Variants in METTL16 observed in about 807,000 individuals in gnomAD.
METTL16 encodes methyltransferase 16, RNA N6-adenosine, also known as RNA N(6)-adenosine-methyltransferase METTL16.
A neutral mutation model predicts 57.9 loss-of-function variants in METTL16; 19 were observed. The ratio of observed to expected loss-of-function variants is 0.33; its 90% CI spans 0.23 to 0.48. The LOEUF (loss-of-function observed/expected upper bound fraction) is 0.48. METTL16 is among the 20% of genes least tolerant of loss of function. The pLI is 0.99. For synonymous variants in METTL16, 246 were observed against 255.6 expected (o/e 0.96, Z 0.36); for missense variants, 434 against 691.5 (o/e 0.63, Z 4.18).
intron 8 of METTL16, among the ~76,000 whole-genome samples, chr17:2,426,823 T>C (rs370971631): frequency 2.6e-4 from 38 of 147,176 alleles, no homozygotes; most frequent in African/African-American, 9.3e-4. Context: ...TATAAATACA[T>C]ACGTGTATTT....
intron 8 of METTL16, among the ~76,000 whole-genome samples, chr17:2,435,456 G>T (rs1374676778): frequency 6.6e-6 from 1 of 152,164 alleles, no homozygotes; most frequent in Non-Finnish European, 1.5e-5. Context: ...GGTCTAGGAA[G>T]AGGGAAGAGA....
In METTL16 at chr17:2,419,893, T is replaced by C; in HGVS notation, c.*77A>G. 2 of 1,539,370 alleles carry C rather than the reference T, an allele frequency of 1.3e-6. No individual in the cohort carries two copies. Among genetic ancestry groups the C allele is most frequent in the Non-Finnish European group, 1.8e-6 (2 of 1,125,772 alleles). On this transcript the variant is annotated 3_prime_UTR_variant, in exon 10 of 10. Coordinates refer to ENST00000263092, the MANE Select transcript of METTL16 (RefSeq NM_024086.4). ...CATCGTGCTACTAATGGGCCGCTGGTAGGATTCCTCTTGCCACCCCACAGG... is the reference window on the plus strand; with the variant it reads ...CATCGTGCTACTAATGGGCCGCTGGCAGGATTCCTCTTGCCACCCCACAGG...
chr17:2,479,487 G>A (rs1192401402), intron 2 of METTL16, among the ~76,000 whole-genome samples: 3 of 151,974 alleles, frequency 2.0e-5, no homozygotes, highest in Non-Finnish European at 4.4e-5. Flanking sequence ...GCATTTTGAA[G>A]AAAGCAGAAA....
chr17:2,451,268 A>G (rs2067067432), intron 6 of METTL16, among the ~76,000 whole-genome samples: 2 of 152,230 alleles, frequency 1.3e-5, no homozygotes, highest in Non-Finnish European at 2.9e-5. Flanking sequence ...TATTTAAAGG[A>G]TAATAAATTT....
intron 1 of METTL16, among the ~76,000 whole-genome samples, chr17:2,511,439 C>T (rs1246073212): frequency 6.6e-6 from 1 of 152,170 alleles, no homozygotes; most frequent in Non-Finnish European, 1.5e-5. Context: ...TCCCACTAGT[C>T]CTGCCACTGC....
rs540197663 is a variant in METTL16, at chr17:2,454,080, G to T, written c.728+10128C>A. 5.3e-5 allele frequency among the ~76,000 whole-genome samples: 8 copies of T among 152,164 alleles called. No homozygotes were observed. In the East Asian group the frequency reaches 1.2e-3, roughly 22 times the overall value. On this transcript the variant is annotated intron_variant, in intron 6 of 9. Coordinates refer to ENST00000263092, the MANE Select transcript of METTL16 (RefSeq NM_024086.4). ...TCATGTTGTCCCAGCTTTGCCCTGA[G>T]CTCACTCTAGGTTCTTCTGACATGT... is the stretch of plus-strand genomic sequence containing the variant.
At chr17:2,443,303 T>C (rs1176771817) in intron 6 of METTL16, among the ~76,000 whole-genome samples, 1 of 152,150 alleles carries the variant, frequency 6.6e-6, no homozygotes, top group Non-Finnish European at 1.5e-5. Flanking sequence ...TAGTTCTCTA[T>C]CAATTAAAGA....
At chr17:2,494,571 T>G (rs1221673855) in intron 2 of METTL16, among the ~76,000 whole-genome samples, 1 of 152,124 alleles carries the variant, frequency 6.6e-6, no homozygotes, top group Non-Finnish European at 1.5e-5. Context: ...TTTTTGTGTG[T>G]GTATGTTTGT....
intron 3 of METTL16, 62 bp from the exon 4 acceptor site, chr17:2,473,726 G>A (rs556400191): frequency 3.3e-6 from 5 of 1,514,182 alleles, no homozygotes; most frequent in African/African-American, 1.4e-5. Context: ...CAATAATCAT[G>A]AAAACACCAT....
chr17:2,473,882 G>A (rs953463868), intron 3 of METTL16, among the ~76,000 whole-genome samples: 2 of 152,106 alleles, frequency 1.3e-5, no homozygotes, highest in African/African-American at 4.8e-5. Context: ...GGGACTACAG[G>A]TGCATGCCAC....
At chr17:2,430,441 A>T (rs2066864705) in intron 8 of METTL16, among the ~76,000 whole-genome samples, 1 of 115,164 alleles carries the variant, frequency 8.7e-6, no homozygotes, top group South Asian at 2.7e-4. Flanking sequence ...TTTGAGACGG[A>T]GTCTCGCTCT....
chr17:2,423,113 A>G (rs2066779972), intron 8 of METTL16, among the ~76,000 whole-genome samples: 1 of 152,222 alleles, frequency 6.6e-6, no homozygotes, highest in Non-Finnish European at 1.5e-5. Context: ...GACAGCGCAC[A>G]CGCACACATG....
intron 8 of METTL16, among the ~76,000 whole-genome samples, chr17:2,431,628 G>A (rs773516036): frequency 2.6e-5 from 4 of 152,036 alleles, no homozygotes; most frequent in Non-Finnish European, 4.4e-5. Context: ...CCTTGCCAAC[G>A]CTGGATGGTC....
At chr17:2,454,460 A>T (rs1262000263) in intron 6 of METTL16, among the ~76,000 whole-genome samples, 1 of 152,030 alleles carries the variant, frequency 6.6e-6, no homozygotes, top group Non-Finnish European at 1.5e-5. Flanking sequence ...AACTATCATA[A>T]ATTTCGAATC....
At chr17:2,437,573 A>G (rs936507739) in intron 8 of METTL16, among the ~76,000 whole-genome samples, 1 of 152,162 alleles carries the variant, frequency 6.6e-6, no homozygotes, top group Non-Finnish European at 1.5e-5. Context: ...TATTTTTGAG[A>G]CAGAGTCTTG....
intron 6 of METTL16, among the ~76,000 whole-genome samples, chr17:2,452,162 T>C (rs896853936): frequency 6.8e-6 from 1 of 148,114 alleles, no homozygotes; most frequent in Non-Finnish European, 1.5e-5. Flanking sequence ...AAAAAGATAC[T>C]GTAAGGTTCT....
chr17:2,452,307 C>T (rs2067077188), intron 6 of METTL16, among the ~76,000 whole-genome samples: 1 of 152,096 alleles, frequency 6.6e-6, no homozygotes, highest in African/African-American at 2.4e-5. Context: ...GAATACCACA[C>T]TGCGAATCAT....
At position 2,419,768 on chromosome 17, in the gene METTL16, A is replaced by C; in HGVS notation, c.*202T>G. On this transcript the variant is annotated 3_prime_UTR_variant, in exon 10 of 10. Coordinates refer to ENST00000263092, the MANE Select transcript of METTL16 (RefSeq NM_024086.4). ...ACTGATGACCACAATTCCTCCTTGT[A>C]AATGACCACACTACGACTCCCTGTA... 1 of 722,454 alleles carries C rather than the reference A, an allele frequency of 1.4e-6. No individual in the cohort carries two copies. The highest frequency in any genetic ancestry group is 2.5e-6 in the Non-Finnish European group (1 of 406,186). The allele number at this position is 722,454 out of a possible 1,614,324, so 44.8% of individuals were successfully genotyped here.
chr17:2,508,851 C>T (rs2067566727), intron 1 of METTL16, among the ~76,000 whole-genome samples: 1 of 152,184 alleles, frequency 6.6e-6, no homozygotes, highest in Non-Finnish European at 1.5e-5. Context: ...CCTCCAACTT[C>T]ATTTGTTGCC....
Sources: gnomAD v4.1 joint callset for allele counts (sites outside exome capture counted in the v4.1 genomes callset) on GRCh38, gnomAD v4.1.1 for gene constraint, MANE v1.5 for transcripts, NCBI Gene and HGNC (gene_info 2026-07-23, HGNC 2026-07-21) for gene names.